ZDHHC14: variants seen among roughly 807,000 people sequenced by gnomAD.
ZDHHC14 encodes palmitoyltransferase ZDHHC14.
A neutral mutation model predicts 47.7 loss-of-function variants in ZDHHC14; 16 were observed. That is an observed-to-expected ratio of 0.34 (90% CI 0.23 to 0.51). The LOEUF (loss-of-function observed/expected upper bound fraction) is 0.51. ZDHHC14 is among the 20% of genes least tolerant of loss of function. The probability of loss-of-function intolerance (pLI) is 0.97; values close to 1 mark genes in which losing one functional copy is unlikely to be tolerated. For synonymous variants in ZDHHC14, 293 were observed against 278.9 expected, an observed-to-expected ratio of 1.05 and a Z score of -0.50; for missense variants, 515 against 662.5, an observed-to-expected ratio of 0.78 and a Z score of 2.44.
intron 3 of ZDHHC14, among the ~76,000 whole-genome samples, chr6:157,626,898 G>A (rs867723044): frequency 0.035 from 5,170 of 148,800 alleles, 368 homozygotes; most frequent in African/African-American, 0.12. Context: ...GCTGGGGGGG[G>A]GGCGGCGGGG....
At chr6:157,564,758 A>G (rs543515414) in intron 2 of ZDHHC14, among the ~76,000 whole-genome samples, 2 of 152,282 alleles carry the variant, frequency 1.3e-5, no homozygotes, top group South Asian at 2.1e-4. Flanking sequence ...GACAAAATCA[A>G]TACTGCCAAT....
intron 1 of ZDHHC14, among the ~76,000 whole-genome samples, chr6:157,455,760 G>A (rs1778897959): frequency 6.6e-6 from 1 of 152,212 alleles, no homozygotes; most frequent in African/African-American, 2.4e-5. Flanking sequence ...GGGGATACAA[G>A]CGGCTCTTGT....
In ZDHHC14 at chr6:157,554,745, G is replaced by A. The variant is rs530666255; in HGVS notation, c.406+12000G>A. On this transcript the variant is annotated intron_variant, in intron 2 of 8. Coordinates refer to ENST00000359775, the MANE Select transcript of ZDHHC14 (RefSeq NM_024630.3). ...TTGAGCCAGCGAGTAAAAAAACGTC[G>A]GCATTTGGGATGTGGCTGTTCCTCT... is the stretch of plus-strand genomic sequence containing the variant. Among the ~76,000 whole-genome samples, 64 of 152,274 alleles carry A rather than the reference G, an allele frequency of 4.2e-4. No homozygotes were observed. The South Asian group carries it at 8.1e-3, about 19-fold the overall frequency.
chr6:157,553,671 G>A (rs1276988185), intron 2 of ZDHHC14, among the ~76,000 whole-genome samples: 1 of 152,098 alleles, frequency 6.6e-6, no homozygotes, highest in African/African-American at 2.4e-5. Flanking sequence ...GCCTGCTCTG[G>A]GGGAGCTGTA....
chr6:157,501,541 G>T (rs569483628), intron 1 of ZDHHC14, among the ~76,000 whole-genome samples: 1 of 152,352 alleles, frequency 6.6e-6, no homozygotes, highest in South Asian at 2.1e-4. Context: ...ACATTAAAAT[G>T]ATGTCAGCTC....
chr6:157,469,776 A>T (rs1293570738), intron 1 of ZDHHC14, among the ~76,000 whole-genome samples: 1 of 152,202 alleles, frequency 6.6e-6, no homozygotes, highest in African/African-American at 2.4e-5. Flanking sequence ...CTACCCAATC[A>T]CAGGGGCCAG....
At chr6:157,607,117 C>A (rs964736116) in intron 3 of ZDHHC14, among the ~76,000 whole-genome samples, 4 of 152,152 alleles carry the variant, frequency 2.6e-5, no homozygotes, top group African/African-American at 9.7e-5. Context: ...TTATTGCTTT[C>A]TTTTGTCATC....
At chr6:157,449,465 T>A (rs551405977) in intron 1 of ZDHHC14, among the ~76,000 whole-genome samples, 1 of 152,330 alleles carries the variant, frequency 6.6e-6, no homozygotes, top group African/African-American at 2.4e-5. Context: ...ATATGTTCAA[T>A]GGGGAAAACG....
chr6:157,395,560 C>A (rs1419325219), intron 1 of ZDHHC14, among the ~76,000 whole-genome samples: 1 of 152,078 alleles, frequency 6.6e-6, no homozygotes, highest in African/African-American at 2.4e-5. Context: ...CTTTGGGAGG[C>A]CAAGGCCGGC....
chr6:157,473,929 T>G (rs1583680589), intron 1 of ZDHHC14, among the ~76,000 whole-genome samples: 4 of 152,036 alleles, frequency 2.6e-5, no homozygotes, highest in Admixed American at 1.3e-4. Flanking sequence ...AAGTTTGAAG[T>G]GCTAATGGTC....
At chr6:157,634,579 A>G (rs1022016465) in intron 5 of ZDHHC14, among the ~76,000 whole-genome samples, 3 of 152,188 alleles carry the variant, frequency 2.0e-5, no homozygotes, top group African/African-American at 7.2e-5. Context: ...CTTACAAGGA[A>G]CCGTTTGTGT....
At chr6:157,526,485 T>C (rs1051745579) in intron 1 of ZDHHC14, among the ~76,000 whole-genome samples, 5 of 152,210 alleles carry the variant, frequency 3.3e-5, no homozygotes, top group Non-Finnish European at 5.9e-5. Context: ...GTTGGTCTAC[T>C]CGGTCTTGAC....
In ZDHHC14 at chr6:157,582,495, A is replaced by G. The variant is rs867436408; in HGVS notation, c.407-10493A>G. Among the ~76,000 whole-genome samples, 1 of 152,108 alleles carries G rather than the reference A, an allele frequency of 6.6e-6. No individual in the cohort carries two copies. Among genetic ancestry groups the G allele is most frequent in the Non-Finnish European group, 1.5e-5 (1 of 68,014 alleles). ...TACTTATCCCTCATTTATGAAGCTT[A>G]GTTTGGCCGGATATGAAATTCTTGG... On this transcript the variant is annotated intron_variant, in intron 2 of 8. Transcript: ENST00000359775. This position sits in a 1 kb window ranked among gnomAD's most constrained non-coding sequence, Gnocchi z 4.3.
chr6:157,571,126 T>A lies in ZDHHC14; in HGVS notation c.407-21862T>A, dbSNP rs181037039. On this transcript the variant is annotated intron_variant, in intron 2 of 8. Transcript: ENST00000359775. ...AATATTTGTGTTTCTATTCATGGAA[T>A]CATTTTTGAACATTGATGTTTGCCA... is the stretch of plus-strand genomic sequence containing the variant. 3.2e-3 allele frequency among the ~76,000 whole-genome samples: 491 copies of A among 152,380 alleles called. 4 individuals carry two copies. The highest frequency in any genetic ancestry group is 5.5e-3 in the Non-Finnish European group (371 of 68,038).
intron 1 of ZDHHC14, among the ~76,000 whole-genome samples, chr6:157,390,444 A>C (rs1562406533): frequency 6.6e-6 from 1 of 152,110 alleles, no homozygotes; most frequent in Non-Finnish European, 1.5e-5. Flanking sequence ...ATCTTTCATC[A>C]GTTTTGGAAA....
intron 1 of ZDHHC14, among the ~76,000 whole-genome samples, chr6:157,400,835 C>T (rs182590580): frequency 2.4e-4 from 36 of 152,360 alleles, no homozygotes; most frequent in African/African-American, 7.9e-4. Flanking sequence ...TTGGCTCTGC[C>T]TCTTACCAGT....
chr6:157,635,332 A>G (rs1776919971), intron 5 of ZDHHC14, among the ~76,000 whole-genome samples: 1 of 152,140 alleles, frequency 6.6e-6, no homozygotes, highest in African/African-American at 2.4e-5. Flanking sequence ...AGACCTCCCA[A>G]GTCATGCATC....
At chr6:157,478,911 T>C (rs946250840) in intron 1 of ZDHHC14, among the ~76,000 whole-genome samples, 8 of 152,182 alleles carry the variant, frequency 5.3e-5, no homozygotes, top group African/African-American at 1.2e-4. Context: ...TGTTAAACCA[T>C]GAATTACATG....
chr6:157,585,986 A>G (rs567409883), intron 2 of ZDHHC14, among the ~76,000 whole-genome samples: 310 of 152,280 alleles, frequency 2.0e-3, no homozygotes, highest in African/African-American at 7.0e-3. Flanking sequence ...GCAGTCCTCC[A>G]TCTTGGGCAT....
Sources: allele counts gnomAD v4.1 joint callset (sites outside exome capture counted in the v4.1 genomes callset), GRCh38; gene constraint gnomAD v4.1.1; non-coding constraint Gnocchi (gnomAD v3.1); transcripts MANE v1.5; gene names NCBI Gene and HGNC (gene_info 2026-07-23, HGNC 2026-07-21).